Variants in ITGB5 observed in about 807,000 individuals in gnomAD.
ITGB5 encodes integrin beta-5.
Under a neutral mutation model 84.8 loss-of-function variants are expected in ITGB5, and 38 were observed. The ratio of observed to expected loss-of-function variants is 0.45; its 90% confidence interval spans 0.35 to 0.59. The LOEUF (loss-of-function observed/expected upper bound fraction) is 0.59, where lower values mean the gene tolerates loss of function less well. ITGB5 is among the 20% of genes least tolerant of loss of function. The pLI, the probability that ITGB5 is intolerant of heterozygous loss-of-function variation, is 0.01. For synonymous variants in ITGB5, 393 were observed against 414.4 expected, an observed-to-expected ratio of 0.95 and a Z score of 0.63; for missense variants, 905 against 1,034.5, an observed-to-expected ratio of 0.87 and a Z score of 1.72.
At chr3:124,788,163 A>G (rs1473824242) in intron 10 of ITGB5, among the ~76,000 whole-genome samples, 1 of 152,134 alleles carries the variant, frequency 6.6e-6, no homozygotes, top group African/African-American at 2.4e-5. Context: ...TTGGCCTCCC[A>G]AAGTGCTAGG....
In ITGB5 at chr3:124,807,092, T is replaced by C. The variant is rs530514267; in HGVS notation, c.1263+1930A>G. The stretch of plus-strand genomic sequence containing the variant: ...TTGTAACAGCAATGTCACCTTGTTC[T>C]ATGAATGTCTTCTGAGTTAAAAGCC... On this transcript the variant is annotated intron_variant, in intron 9 of 14. Transcript: ENST00000296181. 6.6e-5 allele frequency among the ~76,000 whole-genome samples: 10 copies of C among 152,352 alleles called. No homozygotes were observed. In the East Asian group the frequency reaches 1.9e-3, roughly 29 times the overall value.
At chr3:124,822,946 G>A (rs1559953645) in intron 5 of ITGB5, among the ~76,000 whole-genome samples, 2 of 152,094 alleles carry the variant, frequency 1.3e-5, no homozygotes, top group African/African-American at 4.8e-5. Flanking sequence ...AACTGAGCTG[G>A]AAAAAATGAG....
intron 5 of ITGB5, among the ~76,000 whole-genome samples, chr3:124,840,808 C>G (rs556837714): frequency 2.0e-5 from 3 of 152,212 alleles, no homozygotes; most frequent in African/African-American, 7.2e-5. Flanking sequence ...GGATTACAGG[C>G]ACCCGTCACC....
At chr3:124,776,055 G>T (rs146382694) in intron 10 of ITGB5, among the ~76,000 whole-genome samples, 2 of 152,348 alleles carry the variant, frequency 1.3e-5, no homozygotes, top group East Asian at 1.9e-4. Context: ...TCCAGGAGAG[G>T]GAAGGAAAGC....
At position 124,859,193 on chromosome 3, in the gene ITGB5, T is replaced by C. The variant is rs915371692; in HGVS notation, c.361+49A>G. On this transcript the variant is annotated intron_variant, in intron 3 of 14. Coordinates refer to ENST00000296181, the MANE Select transcript of ITGB5 (RefSeq NM_002213.5). The stretch of plus-strand genomic sequence containing the variant: ...TTATTAACAAGTCCCACCTCCCCCA[T>C]GGGCCTTCCTGATCCCAGAGCATCC... 2.6e-6 allele frequency: 4 copies of C among 1,565,558 alleles called. No homozygotes were observed. The East Asian group carries it at 6.7e-5, about 26-fold the overall frequency.
chr3:124,848,410 C>T lies in ITGB5; in HGVS notation c.510G>A (p.Lys170=), dbSNP rs968474327. 16 of 1,614,092 alleles carry T rather than the reference C, an allele frequency of 9.9e-6. No homozygotes were observed. The African/African-American group carries it at 1.7e-4, about 18-fold the overall frequency. ...ATCCCAACCGGAAGTTGCTGGTGAGCTTCCTCATCTCCTCCGCGAGTTTGG... is the reference window on the plus strand; with the variant it reads ...ATCCCAACCGGAAGTTGCTGGTGAGTTTCCTCATCTCCTCCGCGAGTTTGG... The part of the protein sequence containing the change: ...LGTKLAEEMR[K]LTSNFRLGFG... Residue 170 remains lysine (K), a synonymous_variant, in exon 4 of 15, where the codon AAG becomes AAA. Coordinates refer to ENST00000296181, the MANE Select transcript of ITGB5 (RefSeq NM_002213.5).
At chr3:124,770,882 C>T (rs1292725196) in intron 11 of ITGB5, among the ~76,000 whole-genome samples, 1 of 151,412 alleles carries the variant, frequency 6.6e-6, no homozygotes, top group Non-Finnish European at 1.5e-5. Flanking sequence ...CATGCTGACC[C>T]AGCTGCCCCC....
chr3:124,807,168 C>A (rs1170197378), intron 9 of ITGB5, among the ~76,000 whole-genome samples: 1 of 152,204 alleles, frequency 6.6e-6, no homozygotes, highest in Non-Finnish European at 1.5e-5. Context: ...ATAATGCCAG[C>A]ACTTTGGGAG....
At chr3:124,865,940 G>A (rs4234222) in intron 2 of ITGB5, among the ~76,000 whole-genome samples, 23,877 of 152,124 alleles carry the variant, frequency 0.16, 1,965 homozygotes, top group South Asian at 0.21. Flanking sequence ...GTTACATGGA[G>A]GATAAGATGA....
At chr3:124,821,648 G>T (rs1022726817) in intron 5 of ITGB5, among the ~76,000 whole-genome samples, 174 bp from the exon 6 acceptor site, 6 of 152,190 alleles carry the variant, frequency 3.9e-5, no homozygotes, top group African/African-American at 1.4e-4. Flanking sequence ...CAGAGGCTCC[G>T]AAGAGACGCA....
At chr3:124,874,306 G>GAAAA (rs59287818) in intron 1 of ITGB5, among the ~76,000 whole-genome samples, 7 of 113,332 alleles carry the variant, frequency 6.2e-5, no homozygotes, top group Admixed American at 9.7e-5. Context: ...TCAAAAGCCG[G>GAAAA]AAAAAAAAAA....
rs1427259849 is a variant in ITGB5, at chr3:124,763,599, T to C, written c.*24A>G. 1 of 1,449,750 alleles carries C rather than the reference T, an allele frequency of 6.9e-7. No homozygotes were observed. Among genetic ancestry groups the C allele is most frequent in the Admixed American group, 1.7e-5 (1 of 59,736 alleles). 89.8% of individuals were successfully genotyped at this position (1,449,750 alleles called of 1,614,324 possible). On this transcript the variant is annotated 3_prime_UTR_variant, in exon 15 of 15. Transcript: ENST00000296181. ...TCTGACCTTTTCATCAGATCCCCGC[T>C]CCAGCCCCTCGGAGAAGGAAACATC...
At chr3:124,874,306 G>GAAAAAAA (rs59287818) in intron 1 of ITGB5, among the ~76,000 whole-genome samples, 24 of 113,346 alleles carry the variant, frequency 2.1e-4, no homozygotes, top group Non-Finnish European at 3.0e-4. Flanking sequence ...TCAAAAGCCG[G>GAAAAAAA]AAAAAAAAAA....
chr3:124,874,275 G>A (rs1263217234), intron 1 of ITGB5, among the ~76,000 whole-genome samples: 4 of 142,920 alleles, frequency 2.8e-5, no homozygotes, highest in Non-Finnish European at 4.5e-5. Context: ...TCCAGCCTGG[G>A]CAACAGAGGG....
Position 124,769,007 on chromosome 3 carries a change from A to G in ITGB5, c.2017+6T>C, listed in dbSNP as rs780518866. ...GTGACTGCCCGGGTGGTGGCAGCACACTCACCGATGGTGTCCACCCATGTG... is the reference window on the plus strand; with the variant it reads ...GTGACTGCCCGGGTGGTGGCAGCACGCTCACCGATGGTGTCCACCCATGTG... On this transcript the variant is annotated splice_donor_region_variant and intron_variant, in intron 12 of 14. Transcript: ENST00000296181. The G allele has an allele frequency of 1.2e-6, 2 of 1,606,510 alleles. No individual in the cohort carries two copies. Among genetic ancestry groups the G allele is most frequent in the African/African-American group, 1.3e-5 (1 of 74,714 alleles).
Position 124,764,538 on chromosome 3 carries a change from G to A in ITGB5, c.2157C>T (p.Asn719=), listed in dbSNP as rs775274862. 41 of 1,612,378 alleles carry A rather than the reference G, an allele frequency of 2.5e-5. 1 individual carries two copies. The highest frequency in any genetic ancestry group is 1.6e-4 in the South Asian group (15 of 91,020). The change falls in exon 14 of 15, where the codon AAC becomes AAT. Residue 719 remains asparagine, a synonymous_variant. Coordinates refer to ENST00000296181, the MANE Select transcript of ITGB5 (RefSeq NM_002213.5). ...LREPECGNTP[N]AMTILLAVVG... is the part of the protein sequence containing the mutation. ...CCACAGCCAGGAGGATGGTCATGGC[G>A]TTGGGGGTGTTTCCACACTCTGGGG...
intron 11 of ITGB5, among the ~76,000 whole-genome samples, chr3:124,770,839 G>T (rs1396857726): frequency 1.3e-5 from 2 of 152,200 alleles, no homozygotes; most frequent in African/African-American, 4.8e-5. Flanking sequence ...CCTGGCTGGG[G>T]GCCAGGAAGG....
intron 11 of ITGB5, among the ~76,000 whole-genome samples, chr3:124,770,868 C>G (rs1253175660): frequency 5.9e-5 from 9 of 152,198 alleles, no homozygotes; most frequent in Admixed American, 5.9e-4. Context: ...CAGCTTCAGT[C>G]ATTCATGCTG....
chr3:124,797,623 G>A (rs886663057), intron 9 of ITGB5, among the ~76,000 whole-genome samples: 8 of 152,280 alleles, frequency 5.3e-5, no homozygotes, highest in African/African-American at 1.4e-4. Flanking sequence ...CAGATGGTGC[G>A]GGAGGGATGC....
Sources: gnomAD v4.1 joint callset for allele counts (sites outside exome capture counted in the v4.1 genomes callset) on GRCh38, gnomAD v4.1.1 for gene constraint, MANE v1.5 for transcripts, NCBI Gene and HGNC (gene_info 2026-07-23, HGNC 2026-07-21) for gene names.